The following UNC5D variants were observed in gnomAD, a reference collection of about 807,000 sequenced individuals.
The protein encoded by UNC5D is netrin receptor UNC5D.
In UNC5D, 39 loss-of-function variants were observed where a neutral mutation model predicts 105.4. The ratio of observed to expected loss-of-function variants is 0.37; its 90% CI spans 0.29 to 0.48. The LOEUF is 0.48. UNC5D is among the 20% of genes least tolerant of loss of function. The probability of loss-of-function intolerance (pLI) is 0.98; values close to 1 mark genes in which losing one functional copy is unlikely to be tolerated. For missense variants in UNC5D, 991 were observed against 1,202.4 expected, an observed-to-expected ratio of 0.82 and a Z score of 2.60; for synonymous variants, 452 against 450.4, an observed-to-expected ratio of 1.00 and a Z score of -0.04.
chr8:35,386,687 G>A (rs925045406), intron 1 of UNC5D, among the ~76,000 whole-genome samples: 1 of 152,130 alleles, frequency 6.6e-6, no homozygotes, highest in African/African-American at 2.4e-5. Flanking sequence ...TGAAGAAATG[G>A]CATTGAAGAG....
chr8:35,445,300 A>G (rs553938860), intron 1 of UNC5D, among the ~76,000 whole-genome samples: 2 of 152,182 alleles, frequency 1.3e-5, no homozygotes, highest in African/African-American at 4.8e-5. Flanking sequence ...AGGAATTGAA[A>G]AGGAGTTAAC....
intron 4 of UNC5D, among the ~76,000 whole-genome samples, chr8:35,642,913 C>T (rs1015542044): frequency 7.9e-5 from 12 of 152,066 alleles, no homozygotes; most frequent in African/African-American, 2.9e-4. Context: ...CCCAACCCAC[C>T]CCAGATAGAG....
chr8:35,746,866 T>A (rs544845827), intron 11 of UNC5D, among the ~76,000 whole-genome samples: 1 of 152,320 alleles, frequency 6.6e-6, no homozygotes, highest in African/African-American at 2.4e-5. Flanking sequence ...CACTTCACCC[T>A]CTCTGATGGC....
chr8:35,554,607 T>C (rs1299420662), intron 2 of UNC5D, among the ~76,000 whole-genome samples: 1 of 152,172 alleles, frequency 6.6e-6, no homozygotes. Flanking sequence ...ATACACACAA[T>C]AGTAAACAAC....
chr8:35,505,335 C>T lies in UNC5D; in HGVS notation c.104-43957C>T, dbSNP rs148605118. Among the ~76,000 whole-genome samples the T allele has an allele frequency of 2.0e-3, 298 of 152,220 alleles. 1 individual carries two copies. The highest frequency in any genetic ancestry group is 6.6e-3 in the African/African-American group (273 of 41,536). ...AAATTATGGGATTACTTTGGAGATA[C>T]GAAAAAGAAAATAGGTCTTAGTACA... On this transcript the variant is annotated intron_variant, in intron 1 of 16. Coordinates refer to ENST00000404895, the MANE Select transcript of UNC5D (RefSeq NM_080872.4).
At chr8:35,319,705 A>T (rs553678672) in intron 1 of UNC5D, among the ~76,000 whole-genome samples, 1 of 152,170 alleles carries the variant, frequency 6.6e-6, no homozygotes, top group African/African-American at 2.4e-5. Context: ...TGTGGTTGAA[A>T]CTTTGAAAAG....
chr8:35,704,597 A>G (rs770856336), intron 7 of UNC5D, among the ~76,000 whole-genome samples: 4 of 152,176 alleles, frequency 2.6e-5, no homozygotes, highest in Admixed American at 6.5e-5. Flanking sequence ...ATGATTATCA[A>G]CAGCCTGGAT....
At chr8:35,383,565 T>C (rs1803173344) in intron 1 of UNC5D, among the ~76,000 whole-genome samples, 1 of 152,166 alleles carries the variant, frequency 6.6e-6, no homozygotes, top group South Asian at 2.1e-4. Flanking sequence ...ATAAAGAGCC[T>C]CTAAGGTAGG....
chr8:35,677,908 ATGTGTG>A (rs762072143), intron 4 of UNC5D, among the ~76,000 whole-genome samples: 2 of 145,098 alleles, frequency 1.4e-5, no homozygotes, highest in Non-Finnish European at 3.1e-5. Flanking sequence ...GTGTGTGTGT[ATGTGTG>A]TGTGTATGTA....
chr8:35,513,429 A>T (rs1343683062), intron 1 of UNC5D, among the ~76,000 whole-genome samples: 1 of 151,556 alleles, frequency 6.6e-6, no homozygotes, highest in Non-Finnish European at 1.5e-5. Flanking sequence ...GGGTTTCATC[A>T]TGTTGGTCAG....
chr8:35,322,528 C>T (rs1809827784), intron 1 of UNC5D, among the ~76,000 whole-genome samples: 1 of 152,118 alleles, frequency 6.6e-6, no homozygotes, highest in South Asian at 2.1e-4. Flanking sequence ...CTGTTGTTTT[C>T]ATGTAATACA....
In UNC5D at chr8:35,791,998, G is replaced by T. The variant is rs113718959; in HGVS notation, c.*1435G>T. On this transcript the variant is annotated 3_prime_UTR_variant, in exon 17 of 17. Coordinates refer to ENST00000404895, the MANE Select transcript of UNC5D (RefSeq NM_080872.4). ...CAGATTTGCTCTTGCTCATCTTCTG[G>T]TGGATATTTTAACTTGCTATTCACA... is the stretch of plus-strand genomic sequence containing the variant. 3.3e-5 allele frequency: 5 copies of T among 152,148 alleles called. 1 individual carries two copies. Among genetic ancestry groups the T allele is most frequent in the African/African-American group, 1.2e-4 (5 of 41,514 alleles). 9.4% of individuals were successfully genotyped at this position (152,148 alleles called of 1,614,324 possible).
At chr8:35,566,655 C>G (rs1817358787) in intron 2 of UNC5D, among the ~76,000 whole-genome samples, 1 of 152,162 alleles carries the variant, frequency 6.6e-6, no homozygotes, top group Non-Finnish European at 1.5e-5. Context: ...GACGTAGCCT[C>G]CTGAGTCATA....
At chr8:35,553,189 A>G (rs1168996585) in intron 2 of UNC5D, among the ~76,000 whole-genome samples, 5 of 152,192 alleles carry the variant, frequency 3.3e-5, no homozygotes, top group Admixed American at 2.0e-4. Flanking sequence ...GAAGTATTGC[A>G]AGCCAATTCA....
At chr8:35,254,419 C>T (rs537018006) in intron 1 of UNC5D, 1 of 152,246 alleles carries the variant, frequency 6.6e-6, no homozygotes, top group Admixed American at 6.5e-5. Context: ...TTTTAATATC[C>T]ATTCCATGAT....
chr8:35,661,384 CTT>C (rs1352239590), intron 4 of UNC5D, among the ~76,000 whole-genome samples: 1 of 152,134 alleles, frequency 6.6e-6, no homozygotes, highest in African/African-American at 2.4e-5. Flanking sequence ...CTAACGTCCT[CTT>C]TGTTTCTGGT....
chr8:35,544,604 T>G, intron 1 of UNC5D: 3 of 1,488,058 alleles, frequency 2.0e-6, no homozygotes, highest in East Asian at 2.4e-5. Context: ...CGTTTTTTTT[T>G]TTTTTTTTTT....
rs578183232 is a variant in UNC5D at position 35,747,627 on chromosome 8, G to A, written c.1767-900G>A. On this transcript the variant is annotated intron_variant, in intron 11 of 16. Coordinates refer to ENST00000404895, the MANE Select transcript of UNC5D (RefSeq NM_080872.4). ...TTGAAGAACACATATGCCATTGGGG[G>A]AAAAATAAGCAGACATCTGGGTTCT... Among the ~76,000 whole-genome samples, 5 of 152,198 alleles carry A rather than the reference G, an allele frequency of 3.3e-5. No homozygotes were observed. The East Asian group carries it at 5.8e-4, about 18-fold the overall frequency.
At position 35,726,302 on chromosome 8, in the gene UNC5D, T is replaced by G; in HGVS notation, c.1454T>G (p.Val485Gly). ...CCTTTGTCGGACATCAAAGTGAAAG[T>G]CCAGAGCTCGTTCATGGTTTCCCTG... ...FNPLSDIKVK[V>G]QSSFMVSLGV... The change falls in exon 10 of 17, where the codon GTC (valine) becomes GGC (glycine). Residue 485 changes from valine (V) to glycine (G), a missense_variant. Coordinates refer to ENST00000404895, the MANE Select transcript of UNC5D (RefSeq NM_080872.4). The G allele has an allele frequency of 1.9e-6, 3 of 1,614,034 alleles. No individual in the cohort carries two copies. Among genetic ancestry groups the G allele is most frequent in the Non-Finnish European group, 1.7e-6 (2 of 1,179,988 alleles).
Sources: allele counts gnomAD v4.1 joint callset (sites outside exome capture counted in the v4.1 genomes callset), GRCh38; gene constraint gnomAD v4.1.1; transcripts MANE v1.5; gene names NCBI Gene and HGNC (gene_info 2026-07-23, HGNC 2026-07-21).